ZBTB10: variants seen among roughly 807,000 people sequenced by gnomAD.
ZBTB10 encodes the protein zinc finger and BTB domain-containing protein 10.
ZBTB10 carries 32 observed loss-of-function variants against 76.4 expected under a neutral mutation model. That is an observed-to-expected ratio of 0.42 (90% CI 0.32 to 0.56). The LOEUF (loss-of-function observed/expected upper bound fraction) is 0.56, where lower values mean the gene tolerates loss of function less well. Ranked by LOEUF, ZBTB10 falls within the 20% of genes least tolerant of loss-of-function variation. The pLI is 0.14. For synonymous variants in ZBTB10, 523 were observed against 432.9 expected (o/e 1.21, Z -2.58); for missense variants, 1,057 against 1,098.5 (o/e 0.96, Z 0.53).
In ZBTB10 at chr8:80,500,243, A is replaced by C; in HGVS notation, c.1722A>C (p.Thr574=). ...GSQGIQETGK[T]RRKNQTTKRF... ...AGGGAATTCAAGAGACTGGCAAAAC[A>C]AGGAGGAAAAACCAAACTACAAAAA... Residue 574 remains threonine, a synonymous_variant, in exon 2 of 6, where the codon ACA becomes ACC. Transcript: ENST00000455036. 1.3e-6 allele frequency: 2 copies of C among 1,589,890 alleles called. No individual in the cohort carries two copies. Among genetic ancestry groups the C allele is most frequent in the Non-Finnish European group, 1.7e-6 (2 of 1,167,256 alleles).
At chr8:80,513,233 C>T (rs986128430) in intron 2 of ZBTB10, among the ~76,000 whole-genome samples, 1 of 152,134 alleles carries the variant, frequency 6.6e-6, no homozygotes, top group Non-Finnish European at 1.5e-5. Context: ...CCTCTGCCTC[C>T]CGGACTCAGG....
Position 80,487,540 on chromosome 8 carries a change from C to G in ZBTB10, c.730C>G (p.Gln244Glu), listed in dbSNP as rs754881078. 9 of 1,592,120 alleles carry G rather than the reference C, an allele frequency of 5.7e-6. No homozygotes were observed. Among genetic ancestry groups the G allele is most frequent in the South Asian group, 1.1e-5 (1 of 88,064 alleles). ...GCTCGCGCGGCCCAAGTCTCTAATG[C>G]AGAAGCTCCAATGCTCCTTCCAGAC... ...FPLARPKSLM[Q>E]KLQCSFQTSW... Residue 244 changes from glutamine to glutamate, a missense_variant, in exon 1 of 6, where the codon CAG becomes GAG. This residue lies in a region of ZBTB10 where 556 missense variants were observed against 451.7 expected (regional missense o/e 1.23). Transcript: ENST00000455036.
chr8:80,512,325 C>A (rs1384391720), intron 2 of ZBTB10, among the ~76,000 whole-genome samples: 1 of 152,196 alleles, frequency 6.6e-6, no homozygotes, highest in Non-Finnish European at 1.5e-5. Context: ...CACAAGACTC[C>A]TTAGGAATCT....
At chr8:80,503,615 TC>T (rs1354512628) in intron 2 of ZBTB10, among the ~76,000 whole-genome samples, 2 of 152,044 alleles carry the variant, frequency 1.3e-5, no homozygotes, top group African/African-American at 4.8e-5. Flanking sequence ...CCTCCCAGAT[TC>T]AAGCGTTCTC....
intron 1 of ZBTB10, among the ~76,000 whole-genome samples, chr8:80,493,614 C>G (rs1345464720): frequency 6.7e-6 from 1 of 150,040 alleles, no homozygotes; most frequent in South Asian, 2.1e-4. Context: ...GTCGGGAGTT[C>G]GAGACCAACC....
At chr8:80,516,376 G>A (rs1218188769) in intron 3 of ZBTB10, among the ~76,000 whole-genome samples, 1 of 152,210 alleles carries the variant, frequency 6.6e-6, no homozygotes, top group Admixed American at 6.5e-5. Context: ...TAATTGTAGG[G>A]CATGTGTCTT....
At chr8:80,509,775 T>C (rs886504532) in intron 2 of ZBTB10, among the ~76,000 whole-genome samples, 4 of 152,148 alleles carry the variant, frequency 2.6e-5, no homozygotes, top group Non-Finnish European at 4.4e-5. Flanking sequence ...CAAAAATCTA[T>C]GGTAATATTT....
chr8:80,487,820 T>C (rs2131467683), intron 1 of ZBTB10, 38 bp downstream of exon 1: 1 of 1,517,294 alleles, frequency 6.6e-7, no homozygotes, highest in Non-Finnish European at 8.8e-7. Context: ...TGAGATCTTT[T>C]AGGGAAAGGT....
At chr8:80,505,310 AT>A (rs987910100) in intron 2 of ZBTB10, among the ~76,000 whole-genome samples, 9 of 152,118 alleles carry the variant, frequency 5.9e-5, no homozygotes, top group Non-Finnish European at 8.8e-5. Context: ...CTCCAGTGGG[AT>A]TTTTTTATGT....
In ZBTB10 at chr8:80,525,057, AAG is replaced by A. The variant is rs2131528021; in HGVS notation, c.*5530_*5531del. On this transcript the variant is annotated 3_prime_UTR_variant, in exon 6 of 6. Transcript: ENST00000455036. ...GGACGAAGGATGTTTTGACACTAAA[AAG>A]GACATAATTTAGGAAATTAAGAATT... The A allele has an allele frequency of 6.6e-6, 1 of 152,222 alleles. No individual in the cohort carries two copies. The highest frequency in any genetic ancestry group is 1.9e-4 in the East Asian group (1 of 5,178). The allele number at this position is 152,222 out of a possible 1,614,324, so 9.4% of individuals were successfully genotyped here.
intron 1 of ZBTB10, among the ~76,000 whole-genome samples, chr8:80,488,595 A>T (rs973807784): frequency 1.3e-5 from 2 of 152,196 alleles, no homozygotes; most frequent in African/African-American, 4.8e-5. Flanking sequence ...TTGGTAGGGA[A>T]TTTATTTACC....
rs1015390422 is a variant in ZBTB10, at chr8:80,487,772, C to T, written c.962C>T (p.Ala321Val). ...HVSTEHKLHE[A>V]NAQESEIPSE... The stretch of plus-strand genomic sequence containing the variant: ...TCTACCGAGCACAAACTCCACGAAG[C>T]CAACGCCCAGGTACAGTATATCCTG... Residue 321 changes from alanine to valine, a missense_variant, in exon 1 of 6, where the codon GCC (alanine) becomes GTC (valine). Ala to Val is a moderately conservative substitution (Grantham distance 64). Transcript: ENST00000455036. The T allele has an allele frequency of 6.9e-6, 11 of 1,595,898 alleles. No homozygotes were observed. The highest frequency in any genetic ancestry group is 9.4e-6 in the Non-Finnish European group (11 of 1,171,658).
intron 1 of ZBTB10, among the ~76,000 whole-genome samples, chr8:80,488,739 A>G (rs1815548230): frequency 6.6e-6 from 1 of 152,244 alleles, no homozygotes; most frequent in South Asian, 2.1e-4. Flanking sequence ...GATGTTGATC[A>G]GTCCTCCTTT....
intron 2 of ZBTB10, 125 bp downstream of exon 2, chr8:80,500,507 AGGG>A (rs972773120): frequency 2.0e-6 from 2 of 991,118 alleles, no homozygotes; most frequent in African/African-American, 1.6e-5. Context: ...TTACAAAAGA[AGGG>A]GGAACGTCAT....
upstream of ZBTB10, chr8:80,485,798 G>T (rs1315561992): frequency 6.5e-7 from 1 of 1,535,304 alleles, no homozygotes; most frequent in East Asian, 2.4e-5. Flanking sequence ...CAAGGCTGGA[G>T]CGCAGCTCCC....
At chr8:80,487,852 C>T in intron 1 of ZBTB10, 70 bp downstream of exon 1, 8 of 1,466,940 alleles carry the variant, frequency 5.5e-6, no homozygotes, top group Non-Finnish European at 6.3e-6. Flanking sequence ...CCCTTCACCC[C>T]CACCCACCCC....
chr8:80,501,946 C>G (rs1180943876), intron 2 of ZBTB10, among the ~76,000 whole-genome samples: 2 of 152,046 alleles, frequency 1.3e-5, no homozygotes, highest in Non-Finnish European at 2.9e-5. Context: ...ATGGTGGGAA[C>G]CCTGTAGTGT....
chr8:80,485,593 GAC>G, upstream of ZBTB10: 1 of 523,804 alleles, frequency 1.9e-6, no homozygotes, highest in Non-Finnish European at 3.4e-6. Flanking sequence ...ACAGCAATAA[GAC>G]ACTCGGGGCG....
chr8:80,509,316 G>C (rs1436410458), intron 2 of ZBTB10, among the ~76,000 whole-genome samples: 2 of 152,082 alleles, frequency 1.3e-5, no homozygotes, highest in Non-Finnish European at 2.9e-5. Context: ...ATCTGAGTCT[G>C]AGTTTTTATA....
Sources: gnomAD v4.1 joint callset for allele counts (sites outside exome capture counted in the v4.1 genomes callset) on GRCh38, gnomAD v4.1.1 for gene constraint, gnomAD v4.1.1 regional missense constraint, MANE v1.5 for transcripts, NCBI Gene and HGNC (gene_info 2026-07-23, HGNC 2026-07-21) for gene names.